PPP2R3A: variants seen among roughly 807,000 people sequenced by gnomAD.
The protein encoded by PPP2R3A is serine/threonine-protein phosphatase 2A regulatory subunit B'' subunit alpha.
Under a neutral mutation model 106.9 loss-of-function variants are expected in PPP2R3A, and 80 were observed. The ratio of observed to expected loss-of-function variants is 0.75; its 90% CI spans 0.62 to 0.90. The LOEUF (loss-of-function observed/expected upper bound fraction) is 0.90. Ranked by LOEUF, PPP2R3A falls within the 40% of genes least tolerant of loss-of-function variation. The pLI is 0.00. For synonymous variants in PPP2R3A, 483 were observed against 468.3 expected (o/e 1.03, Z -0.41); for missense variants, 1,386 against 1,350.4 (o/e 1.03, Z -0.41).
intron 1 of PPP2R3A, among the ~76,000 whole-genome samples, chr3:135,976,044 G>C (rs1033688904): frequency 6.6e-6 from 1 of 151,994 alleles, no homozygotes; most frequent in Non-Finnish European, 1.5e-5. Flanking sequence ...TTGATTATTT[G>C]TATTTATTTT....
chr3:136,101,274 A>T (rs1576503199), intron 10 of PPP2R3A, among the ~76,000 whole-genome samples: 1 of 152,320 alleles, frequency 6.6e-6, no homozygotes, highest in East Asian at 1.9e-4. Flanking sequence ...ATAAAAGAAA[A>T]ATATAAAATT....
At chr3:136,076,953 A>G (rs1426894972) in intron 6 of PPP2R3A, among the ~76,000 whole-genome samples, 1 of 106,562 alleles carries the variant, frequency 9.4e-6, no homozygotes, top group Admixed American at 8.5e-5. Flanking sequence ...TCTCAGAAAG[A>G]AAAAAAAAAA....
At chr3:136,088,092 A>T (rs1195448303) in intron 9 of PPP2R3A, among the ~76,000 whole-genome samples, 161 bp downstream of exon 9, 2 of 152,138 alleles carry the variant, frequency 1.3e-5, no homozygotes, top group Non-Finnish European at 2.9e-5. Context: ...ATTCTTTTTT[A>T]AAAAAATAAT....
At chr3:136,005,281 A>T (rs1369684188) in intron 2 of PPP2R3A, among the ~76,000 whole-genome samples, 1 of 152,216 alleles carries the variant, frequency 6.6e-6, no homozygotes, top group Non-Finnish European at 1.5e-5. Context: ...CCCATTATGT[A>T]TATGCAGATA....
At chr3:136,052,206 G>A (rs1481885213) in intron 5 of PPP2R3A, among the ~76,000 whole-genome samples, 1 of 152,048 alleles carries the variant, frequency 6.6e-6, no homozygotes, top group Non-Finnish European at 1.5e-5. Flanking sequence ...ATCCATTCTT[G>A]GCCTTGCTCT....
chr3:136,112,282 G>C (rs1559926983), intron 13 of PPP2R3A, among the ~76,000 whole-genome samples: 1 of 152,254 alleles, frequency 6.6e-6, no homozygotes, highest in East Asian at 1.9e-4. Context: ...AGTGATGGAA[G>C]TCCTATCCAG....
intron 13 of PPP2R3A, among the ~76,000 whole-genome samples, chr3:136,108,900 T>C (rs892600617): frequency 1.3e-5 from 2 of 152,164 alleles, no homozygotes; most frequent in Non-Finnish European, 2.9e-5. Context: ...CTGATAGATA[T>C]TGTCAAACAT....
intron 8 of PPP2R3A, chr3:136,087,380 A>C (rs1025490468): frequency 3.3e-5 from 5 of 150,134 alleles, no homozygotes; most frequent in African/African-American, 9.8e-5. Flanking sequence ...ATGTTATATC[A>C]TGTTAAACCC....
chr3:135,978,180 T>A (rs1937473020), intron 1 of PPP2R3A, among the ~76,000 whole-genome samples: 5 of 152,100 alleles, frequency 3.3e-5, no homozygotes, highest in Admixed American at 3.3e-4. Flanking sequence ...CAAGCATGCC[T>A]TATATTTAAA....
chr3:136,135,087 C>T (rs982630068), intron 13 of PPP2R3A, among the ~76,000 whole-genome samples: 3 of 150,386 alleles, frequency 2.0e-5, no homozygotes, highest in Non-Finnish European at 2.9e-5. Context: ...ACTGAGAGAA[C>T]GTGCCAGTGG....
intron 1 of PPP2R3A, among the ~76,000 whole-genome samples, chr3:135,972,515 T>G (rs1937279263): frequency 6.6e-6 from 1 of 152,224 alleles, no homozygotes; most frequent in Admixed American, 6.5e-5. Context: ...TAATTCTATG[T>G]TTAAAAAGTT....
At chr3:136,144,797 G>C (rs967642668) in intron 13 of PPP2R3A, among the ~76,000 whole-genome samples, 4 of 152,156 alleles carry the variant, frequency 2.6e-5, no homozygotes, top group Non-Finnish European at 5.9e-5. Flanking sequence ...CCACCCTAGG[G>C]AAAGCTTGAT....
chr3:136,035,227 A>G (rs780876537), intron 3 of PPP2R3A, among the ~76,000 whole-genome samples: 2 of 152,148 alleles, frequency 1.3e-5, no homozygotes, highest in Non-Finnish European at 2.9e-5. Flanking sequence ...ATTAGTAGTG[A>G]GATATGAGGT....
chr3:136,032,417 C>G (rs1479679688), intron 3 of PPP2R3A, among the ~76,000 whole-genome samples: 1 of 151,822 alleles, frequency 6.6e-6, no homozygotes, highest in Non-Finnish European at 1.5e-5. Context: ...TTATCAGTTC[C>G]AGGAGTTTTC....
intron 3 of PPP2R3A, among the ~76,000 whole-genome samples, chr3:136,036,913 T>C (rs1935104819): frequency 6.6e-6 from 1 of 152,258 alleles, no homozygotes; most frequent in Non-Finnish European, 1.5e-5. Flanking sequence ...TTCTTTACTA[T>C]GCATGCAAGT....
intron 13 of PPP2R3A, among the ~76,000 whole-genome samples, chr3:136,122,530 T>A (rs1938034377): frequency 6.6e-6 from 1 of 152,190 alleles, no homozygotes; most frequent in African/African-American, 2.4e-5. Flanking sequence ...TACCTGCATT[T>A]TGTTGGAAAT....
chr3:135,979,386 GATTT>G (rs1176073748), intron 1 of PPP2R3A, among the ~76,000 whole-genome samples: 5 of 150,744 alleles, frequency 3.3e-5, no homozygotes, highest in Admixed American at 2.6e-4. Context: ...AAAAAAAAAA[GATTT>G]ATTTGTCAAA....
Position 136,049,356 on chromosome 3 carries a change from C to T in PPP2R3A, c.2464C>T (p.Leu822Phe). The T allele has an allele frequency of 6.3e-7, 1 of 1,599,156 alleles. No homozygotes were observed. Residue 822 changes from leucine to phenylalanine, a missense_variant, in exon 5 of 14, where the codon CTT becomes TTT. Transcript: ENST00000264977. ...AGAACAGGAGGATTTCATCCCTCTA[C>T]TTCAGGTAATTTTCATCTCCTTTTG... ...SLEQEDFIPL[L>F]QDVVDTHPGL...
intron 13 of PPP2R3A, among the ~76,000 whole-genome samples, chr3:136,135,936 G>C (rs1938594537): frequency 6.6e-6 from 1 of 150,852 alleles, no homozygotes; most frequent in Admixed American, 6.6e-5. Context: ...TACTTGGGAG[G>C]CTGGGGCGGG....
Sources: gnomAD v4.1 joint callset for allele counts (sites outside exome capture counted in the v4.1 genomes callset) on GRCh38, gnomAD v4.1.1 for gene constraint, MANE v1.5 for transcripts, NCBI Gene and HGNC (gene_info 2026-07-23, HGNC 2026-07-21) for gene names.